HSDL2: variants seen among roughly 807,000 people sequenced by gnomAD.
The protein encoded by HSDL2 is hydroxysteroid dehydrogenase like 2, also known as hydroxysteroid dehydrogenase-like protein 2.
A neutral mutation model predicts 46.3 loss-of-function variants in HSDL2; 27 were observed. That is an observed-to-expected ratio of 0.58 (90% CI 0.43 to 0.80). The LOEUF (loss-of-function observed/expected upper bound fraction) is 0.80. Among genes scored for constraint, HSDL2 ranks in the 30% least tolerant of loss-of-function variants. The probability of loss-of-function intolerance (pLI) is 0.00; values close to 1 mark genes in which losing one functional copy is unlikely to be tolerated. For missense variants in HSDL2, 451 were observed against 502.7 expected, an observed-to-expected ratio of 0.90 and a Z score of 0.98; for synonymous variants, 153 against 163.6, an observed-to-expected ratio of 0.94 and a Z score of 0.50.
intron 9 of HSDL2, among the ~76,000 whole-genome samples, chr9:112,458,224 C>G (rs1232843437): frequency 1.3e-5 from 2 of 152,060 alleles, no homozygotes; most frequent in African/African-American, 2.4e-5. Flanking sequence ...TCTTACTTAA[C>G]TTTCAAATCT....
At chr9:112,450,468 A>G (rs970908877) in intron 8 of HSDL2, among the ~76,000 whole-genome samples, 2 of 151,882 alleles carry the variant, frequency 1.3e-5, no homozygotes, top group African/African-American at 2.4e-5. Context: ...TGTCTCTACT[A>G]AAAATACAAA....
At chr9:112,464,257 CAA>C (rs1833311269) in intron 10 of HSDL2, among the ~76,000 whole-genome samples, 1 of 146,074 alleles carries the variant, frequency 6.8e-6, no homozygotes, top group Non-Finnish European at 1.5e-5. Flanking sequence ...CACACACACA[CAA>C]GTAAAATTGA....
chr9:112,442,798 C>A (rs1319676055), intron 8 of HSDL2, among the ~76,000 whole-genome samples: 1 of 151,766 alleles, frequency 6.6e-6, no homozygotes, highest in Non-Finnish European at 1.5e-5. Flanking sequence ...TCCTTGATAC[C>A]TTTAGCAAAT....
intron 1 of HSDL2, among the ~76,000 whole-genome samples, chr9:112,386,958 A>T (rs1831230688): frequency 6.6e-6 from 1 of 152,224 alleles, no homozygotes; most frequent in Admixed American, 6.5e-5. Context: ...GGCAGTGATT[A>T]AAAGAGAAAC....
intron 8 of HSDL2, among the ~76,000 whole-genome samples, chr9:112,443,191 A>C (rs1281301154): frequency 1.3e-5 from 2 of 152,216 alleles, no homozygotes; most frequent in African/African-American, 4.8e-5. Flanking sequence ...TTTTAGAAGA[A>C]GGCATGCATG....
intron 9 of HSDL2, among the ~76,000 whole-genome samples, chr9:112,455,073 T>C (rs562605436): frequency 6.6e-6 from 1 of 152,188 alleles, no homozygotes; most frequent in Admixed American, 6.5e-5. Flanking sequence ...TTAATAATAG[T>C]GTAAGAACTA....
At chr9:112,413,490 AAAAAGAAAAAAAAG>A (rs1001527488) in intron 4 of HSDL2, among the ~76,000 whole-genome samples, 1 of 71,564 alleles carries the variant, frequency 1.4e-5, no homozygotes, top group Non-Finnish European at 3.2e-5. Flanking sequence ...CCTCTCAAAA[AAAAAGAAAAAAAAG>A]AAAAGAAAAG....
At chr9:112,399,111 ATAT>A (rs1303113659) in intron 1 of HSDL2, among the ~76,000 whole-genome samples, 2 of 152,152 alleles carry the variant, frequency 1.3e-5, no homozygotes, top group African/African-American at 4.8e-5. Flanking sequence ...CCTACCCCTA[ATAT>A]TTCAATGTAG....
At chr9:112,397,093 T>A (rs992000491) in intron 1 of HSDL2, among the ~76,000 whole-genome samples, 1 of 152,182 alleles carries the variant, frequency 6.6e-6, no homozygotes, top group Non-Finnish European at 1.5e-5. Flanking sequence ...AGCATTTGGC[T>A]GTGTTTGTTG....
At chr9:112,411,466 G>A (rs928121813) in intron 4 of HSDL2, among the ~76,000 whole-genome samples, 1 of 152,208 alleles carries the variant, frequency 6.6e-6, no homozygotes, top group African/African-American at 2.4e-5. Context: ...CCTGAGGTCA[G>A]GAGTTTAAGA....
intron 8 of HSDL2, among the ~76,000 whole-genome samples, chr9:112,449,530 T>C (rs903995666): frequency 6.6e-6 from 1 of 152,156 alleles, no homozygotes; most frequent in South Asian, 2.1e-4. Flanking sequence ...GATTATCTTT[T>C]TAATAACAAC....
chr9:112,405,502 T>TA, intron 2 of HSDL2, 122 bp from the exon 3 acceptor site: 1 of 637,040 alleles, frequency 1.6e-6, no homozygotes, highest in Non-Finnish European at 2.7e-6. Flanking sequence ...GGTGGTAAGA[T>TA]AGAGTTATTT....
Position 112,404,041 on chromosome 9 carries a change from A to T in HSDL2, c.64A>T (p.Ile22Phe). 2 of 1,614,198 alleles carry T rather than the reference A, an allele frequency of 1.2e-6. No individual in the cohort carries two copies. Residue 22 changes from isoleucine to phenylalanine, a missense_variant, in exon 2 of 11, where the codon ATT (isoleucine) becomes TTT (phenylalanine). Ile to Phe is a conservative substitution (Grantham distance 21). Transcript: ENST00000398805. The stretch of plus-strand genomic sequence containing the variant: ...TTTTATCACAGGTGCAAGCCGTGGC[A>T]TTGGCAAAGCTATTGCATTGAAAGC... ...TVFITGASRG[I>F]GKAIALKAAK...
intron 8 of HSDL2, among the ~76,000 whole-genome samples, chr9:112,446,988 G>C (rs1346801219): frequency 2.0e-5 from 3 of 152,148 alleles, no homozygotes; most frequent in Non-Finnish European, 4.4e-5. Context: ...TTTCATGAGG[G>C]AAAGCACAGG....
chr9:112,386,864 A>G (rs1366539692), intron 1 of HSDL2, among the ~76,000 whole-genome samples: 1 of 152,214 alleles, frequency 6.6e-6, no homozygotes, highest in Non-Finnish European at 1.5e-5. Context: ...TGAGAAGTTC[A>G]AAATCCCAGA....
chr9:112,444,378 A>G (rs1320598175), intron 8 of HSDL2, among the ~76,000 whole-genome samples: 1 of 151,826 alleles, frequency 6.6e-6, no homozygotes, highest in Non-Finnish European at 1.5e-5. Context: ...TAGCTCTTAT[A>G]TATGTAATTA....
intron 10 of HSDL2, among the ~76,000 whole-genome samples, chr9:112,464,751 C>A (rs1587973273): frequency 6.6e-6 from 1 of 152,172 alleles, no homozygotes; most frequent in East Asian, 1.9e-4. Flanking sequence ...TAAAATTCAT[C>A]TGTTGCTTTT....
At chr9:112,431,876 T>G (rs1832412644) in intron 6 of HSDL2, among the ~76,000 whole-genome samples, 1 of 540 alleles carries the variant, frequency 1.9e-3, no homozygotes, top group East Asian at 0.028. Context: ...ATTTCTTTCT[T>G]TTTTTTTTTT....
chr9:112,395,421 T>C (rs1831434084), intron 1 of HSDL2, among the ~76,000 whole-genome samples: 1 of 152,228 alleles, frequency 6.6e-6, no homozygotes, highest in Non-Finnish European at 1.5e-5. Context: ...ACGTTATAAT[T>C]GTTCCAGGTT....
Sources: gnomAD v4.1 joint callset for allele counts (sites outside exome capture counted in the v4.1 genomes callset) on GRCh38, gnomAD v4.1.1 for gene constraint, MANE v1.5 for transcripts, NCBI Gene and HGNC (gene_info 2026-07-23, HGNC 2026-07-21) for gene names.